The following RYR2 variants were observed in gnomAD, a reference collection of about 807,000 sequenced individuals.
The protein encoded by RYR2 is cardiac muscle ryanodine receptor-calcium release channel.
RYR2 carries 227 observed loss-of-function variants against 601.1 expected under a neutral mutation model. That is an observed-to-expected ratio of 0.38 (90% CI 0.34 to 0.42). The LOEUF (loss-of-function observed/expected upper bound fraction) is 0.42, where lower values mean the gene tolerates loss of function less well. RYR2 is among the 10% of genes least tolerant of loss of function. The probability of loss-of-function intolerance (pLI) is 1.00; values close to 1 mark genes in which losing one functional copy is unlikely to be tolerated. For synonymous variants in RYR2, 2,223 were observed against 2,175.1 expected (o/e 1.02, Z -0.61); for missense variants, 4,646 against 6,156.5 (o/e 0.75, Z 8.21).
At chr1:237,575,339 G>T (rs1170353791) in intron 29 of RYR2, among the ~76,000 whole-genome samples, 1 of 152,106 alleles carries the variant, frequency 6.6e-6, no homozygotes, top group Middle Eastern at 3.2e-3. Context: ...CACATCTATG[G>T]TCTACTGCAT....
In RYR2 at chr1:237,674,783, T is replaced by A; in HGVS notation, c.8767T>A (p.Tyr2923Asn). ...DTPSIEKRFA[Y>N]SFLQQLIRYV... ...GCCTTCTATTGAGAAACGATTTGCC[T>A]ATAGTTTCCTCCAACAACTCATTCG... Residue 2923 changes from tyrosine to asparagine, a missense_variant, in exon 60 of 105, where the codon TAT (tyrosine) becomes AAT (asparagine). This residue lies in a region of RYR2 where 1,497 missense variants were observed against 1,842.6 expected (regional missense o/e 0.81). Transcript: ENST00000366574. 1 of 1,612,690 alleles carries A rather than the reference T, an allele frequency of 6.2e-7. No homozygotes were observed. Among genetic ancestry groups the A allele is most frequent in the East Asian group, 2.2e-5 (1 of 44,830 alleles).
chr1:237,621,572 G>T (rs569694514), intron 38 of RYR2, among the ~76,000 whole-genome samples: 32 of 152,088 alleles, frequency 2.1e-4, no homozygotes, highest in Non-Finnish European at 4.3e-4. Context: ...ACTTATCATG[G>T]CACACCCTGC....
At chr1:237,239,571 G>T (rs910223193) in intron 1 of RYR2, among the ~76,000 whole-genome samples, 1 of 152,098 alleles carries the variant, frequency 6.6e-6, no homozygotes, top group Non-Finnish European at 1.5e-5. Context: ...TACTGCACAC[G>T]TGGCAACAAA....
chr1:237,673,713 C>G (rs1031039827), intron 58 of RYR2, among the ~76,000 whole-genome samples: 2 of 152,190 alleles, frequency 1.3e-5, no homozygotes, highest in African/African-American at 4.8e-5. Flanking sequence ...CTGAAACATG[C>G]CTTATAACTT....
intron 1 of RYR2, among the ~76,000 whole-genome samples, chr1:237,149,270 G>A (rs1175716236): frequency 6.6e-6 from 1 of 151,936 alleles, no homozygotes; most frequent in Non-Finnish European, 1.5e-5. Context: ...GCTAGCCTGA[G>A]CAACATGCTG....
chr1:237,492,316 GC>G (rs1663450219), intron 18 of RYR2, among the ~76,000 whole-genome samples: 1 of 152,342 alleles, frequency 6.6e-6, no homozygotes, highest in Admixed American at 6.5e-5. Flanking sequence ...ACAGGCATGA[GC>G]CACCGCGCCT....
chr1:237,287,155 G>A (rs1572480409), intron 2 of RYR2, among the ~76,000 whole-genome samples: 1 of 152,128 alleles, frequency 6.6e-6, no homozygotes, highest in South Asian at 2.1e-4. Context: ...CTTCTGGCTT[G>A]TAGGGTTTCT....
intron 79 of RYR2, among the ~76,000 whole-genome samples, chr1:237,740,271 C>T (rs1488864275): frequency 6.6e-6 from 1 of 152,150 alleles, no homozygotes; most frequent in African/African-American, 2.4e-5. Flanking sequence ...AGCATATTCT[C>T]AAGCTAATTA....
chr1:237,264,312 C>T (rs1688822405), intron 1 of RYR2, among the ~76,000 whole-genome samples: 1 of 152,128 alleles, frequency 6.6e-6, no homozygotes, highest in Non-Finnish European at 1.5e-5. Flanking sequence ...ACAGTCTGGC[C>T]AAGTGTGAGG....
At chr1:237,730,615 A>G (rs1690595657) in intron 77 of RYR2, among the ~76,000 whole-genome samples, 1 of 152,120 alleles carries the variant, frequency 6.6e-6, no homozygotes, top group African/African-American at 2.4e-5. Flanking sequence ...ATTAAACATG[A>G]TTTAGTCTTT....
Position 237,674,791 on chromosome 1 carries a change from C to T in RYR2, c.8775C>T (p.Phe2925=), listed in dbSNP as rs959152280. ...PSIEKRFAYS[F]LQQLIRYVDE... Reference sequence around the variant, plus strand: ...TTGAGAAACGATTTGCCTATAGTTTCCTCCAACAACTCATTCGCTATGTGG... The same window carrying T: ...TTGAGAAACGATTTGCCTATAGTTTTCTCCAACAACTCATTCGCTATGTGG... Residue 2925 remains phenylalanine (F), a synonymous_variant, in exon 60 of 105, where the codon TTC becomes TTT. Coordinates refer to ENST00000366574, the MANE Select transcript of RYR2 (RefSeq NM_001035.3). 8 of 1,612,526 alleles carry T rather than the reference C, an allele frequency of 5.0e-6. No individual in the cohort carries two copies. Among genetic ancestry groups the T allele is most frequent in the Non-Finnish European group, 4.2e-6 (5 of 1,178,872 alleles).
chr1:237,682,251 C>T (rs534800676), intron 62 of RYR2, among the ~76,000 whole-genome samples: 1 of 152,184 alleles, frequency 6.6e-6, no homozygotes, highest in East Asian at 1.9e-4. Context: ...AAAATTGGCC[C>T]ATTTACCTTG....
intron 1 of RYR2, among the ~76,000 whole-genome samples, chr1:237,113,974 C>T (rs1669784169): frequency 6.6e-6 from 1 of 152,230 alleles, no homozygotes; most frequent in South Asian, 2.1e-4. Context: ...CTCCAACATG[C>T]ACGCAACTTG....
intron 24 of RYR2, among the ~76,000 whole-genome samples, chr1:237,520,086 T>A (rs940614340): frequency 6.6e-6 from 1 of 152,196 alleles, no homozygotes; most frequent in African/African-American, 2.4e-5. Flanking sequence ...TAGGATTGCC[T>A]CCTTGATTTG....
At chr1:237,329,873 A>G (rs1195929666) in intron 2 of RYR2, among the ~76,000 whole-genome samples, 1 of 152,150 alleles carries the variant, frequency 6.6e-6, no homozygotes, top group Non-Finnish European at 1.5e-5. Context: ...AGAGAAAAAA[A>G]GAAAACAGAT....
intron 7 of RYR2, 59 bp from the exon 8 acceptor site, chr1:237,377,264 G>A: frequency 7.7e-7 from 1 of 1,295,698 alleles, no homozygotes; most frequent in Non-Finnish European, 1.1e-6. Context: ...CATTGGCAAA[G>A]AAAATAGATT....
In RYR2 at chr1:237,627,929, G is replaced by T; in HGVS notation, c.6289G>T (p.Gly2097Cys). 1 of 1,613,158 alleles carries T rather than the reference G, an allele frequency of 6.2e-7. No homozygotes were observed. Among genetic ancestry groups the T allele is most frequent in the Non-Finnish European group, 8.5e-7 (1 of 1,179,684 alleles). ...LLHRQYDGIG[G>C]LVRALPKTYT... is the part of the protein sequence containing the mutation. ...CCATCGGCAGTATGACGGCATTGGG[G>T]GTCTTGTTCGGGCCCTGCCAAAGAC... The change falls in exon 41 of 105, where the codon GGT (glycine) becomes TGT (cysteine). Residue 2097 changes from glycine (G) to cysteine (C), a missense_variant. Physicochemically the swap from Gly to Cys is radical, Grantham distance 159 (BLOSUM62 -3). Around this residue, in one of 17 missense-constraint regions of RYR2, gnomAD observed 170 missense variants for 184.5 expected, o/e 0.92. Coordinates refer to ENST00000366574, the MANE Select transcript of RYR2 (RefSeq NM_001035.3).
At chr1:237,123,812 T>C (rs960046933) in intron 1 of RYR2, among the ~76,000 whole-genome samples, 2 of 151,624 alleles carry the variant, frequency 1.3e-5, no homozygotes, top group Admixed American at 6.6e-5. Context: ...GGACTACAGG[T>C]GCCCGCCACC....
chr1:237,674,751 T>C lies in RYR2; in HGVS notation c.8735T>C (p.Leu2912Pro). ...TCCAGAGGATTTAAGGACCTGGAAC[T>C]GGACACGCCTTCTATTGAGAAACGA... is the stretch of plus-strand genomic sequence containing the variant. ...AVSRGFKDLELDTPSIEKRFA... is the reference protein window; with the variant it reads ...AVSRGFKDLEPDTPSIEKRFA... Residue 2912 changes from leucine to proline, a missense_variant, in exon 60 of 105, where the codon CTG becomes CCG. Around this residue, in one of 17 missense-constraint regions of RYR2, gnomAD observed 1,497 missense variants for 1,842.6 expected, o/e 0.81. Transcript: ENST00000366574. The C allele has an allele frequency of 6.2e-7, 1 of 1,611,448 alleles. No homozygotes were observed. Among genetic ancestry groups the C allele is most frequent in the African/African-American group, 1.3e-5 (1 of 74,972 alleles).
Sources: allele counts gnomAD v4.1 joint callset (sites outside exome capture counted in the v4.1 genomes callset), GRCh38; gene constraint gnomAD v4.1.1; regional missense constraint gnomAD v4.1.1; transcripts MANE v1.5; gene names NCBI Gene and HGNC (gene_info 2026-07-23, HGNC 2026-07-21).